The following CDC42SE2 variants were observed in gnomAD, a reference collection of about 807,000 sequenced individuals.
CDC42SE2 encodes the protein CDC42 small effector protein 2.
In CDC42SE2, 3 loss-of-function variants were observed where a neutral mutation model predicts 11.5. That is an observed-to-expected ratio of 0.26 (90% CI 0.12 to 0.67). The LOEUF (loss-of-function observed/expected upper bound fraction) is 0.67. CDC42SE2 is among the 30% of genes least tolerant of loss of function. CDC42SE2 has a pLI of 0.80. For missense variants in CDC42SE2, 82 were observed against 106.8 expected, an observed-to-expected ratio of 0.77 and a Z score of 1.02; for synonymous variants, 33 against 34.8, an observed-to-expected ratio of 0.95 and a Z score of 0.18.
upstream of CDC42SE2, among the ~76,000 whole-genome samples, chr5:131,240,828 A>G (rs1480190799): frequency 1.3e-5 from 2 of 152,204 alleles, no homozygotes; most frequent in East Asian, 1.9e-4. Context: ...AATGAAAAAT[A>G]TATGCCATAA....
chr5:131,370,092 T>C (rs1188898545), intron 3 of CDC42SE2, among the ~76,000 whole-genome samples: 2 of 152,214 alleles, frequency 1.3e-5, no homozygotes, highest in African/African-American at 4.8e-5. Context: ...AGTATTTTCC[T>C]CCCACATTCC....
the CDC42SE2 span, among the ~76,000 whole-genome samples, chr5:131,237,059 T>C: frequency 1.3e-5 from 2 of 152,342 alleles, no homozygotes; most frequent in East Asian, 3.9e-4. Flanking sequence ...AAAAATAAAA[T>C]TGTTTGTGGG....
chr5:131,215,976 T>C, the CDC42SE2 span, among the ~76,000 whole-genome samples: 1 of 152,212 alleles, frequency 6.6e-6, no homozygotes, highest in Non-Finnish European at 1.5e-5. Context: ...TAGAAAACTC[T>C]CAGCAAAATT....
chr5:131,360,577 T>C (rs1383293610), intron 3 of CDC42SE2, among the ~76,000 whole-genome samples: 19 of 152,260 alleles, frequency 1.2e-4, no homozygotes, highest in Admixed American at 1.2e-3. Context: ...ATAACTATTC[T>C]ACAGTCTCTC....
In CDC42SE2 at chr5:131,391,322, G is replaced by C; in HGVS notation, c.*231G>C. The C allele has an allele frequency of 5.4e-6, 1 of 185,284 alleles. No homozygotes were observed. The highest frequency in any genetic ancestry group is 1.1e-5 in the Non-Finnish European group (1 of 91,468). 11.5% of individuals were successfully genotyped at this position (185,284 alleles called of 1,614,324 possible). A position where few individuals can be genotyped will look rare whatever the true frequency, so the allele number is the denominator to read the frequency against. Reference sequence around the variant, plus strand: ...TACTTTAAAACATCTGGTTGGGGAGGATTCTGATGACAAGATGCTTCTTAT... The same window carrying C: ...TACTTTAAAACATCTGGTTGGGGAGCATTCTGATGACAAGATGCTTCTTAT... On this transcript the variant is annotated 3_prime_UTR_variant, in exon 5 of 5. Coordinates refer to ENST00000505065, the MANE Select transcript of CDC42SE2 (RefSeq NM_001375635.1).
At chr5:131,284,506 C>T (rs1022339771) in intron 1 of CDC42SE2, among the ~76,000 whole-genome samples, 25 of 152,158 alleles carry the variant, frequency 1.6e-4, no homozygotes, top group African/African-American at 5.8e-4. Flanking sequence ...TTAGTCTCCT[C>T]TGTTGCCCAG....
At chr5:131,370,762 G>T (rs30734) in intron 3 of CDC42SE2, among the ~76,000 whole-genome samples, 151,842 of 152,346 alleles carry the variant, frequency 1, 75,669 homozygotes, top group Middle Eastern at 1. Context: ...GGTGGCTAAT[G>T]ATTAAAATGG....
chr5:131,335,951 G>T (rs1195201509), intron 2 of CDC42SE2, among the ~76,000 whole-genome samples: 1 of 152,148 alleles, frequency 6.6e-6, no homozygotes, highest in East Asian at 1.9e-4. Context: ...TTTAATTGGA[G>T]CATTTAGCCC....
At chr5:131,382,710 A>G (rs981046054) in intron 3 of CDC42SE2, among the ~76,000 whole-genome samples, 2 of 152,174 alleles carry the variant, frequency 1.3e-5, no homozygotes, top group Non-Finnish European at 2.9e-5. Context: ...GGTGTCCTGC[A>G]GATGCCACTG....
chr5:131,341,010 T>C (rs1481216035), intron 2 of CDC42SE2, among the ~76,000 whole-genome samples: 1 of 152,120 alleles, frequency 6.6e-6, no homozygotes, highest in African/African-American at 2.4e-5. Flanking sequence ...GAAGTTGAAC[T>C]TCAAAGGAAG....
At chr5:131,372,348 G>A (rs1750033236) in intron 3 of CDC42SE2, among the ~76,000 whole-genome samples, 1 of 152,084 alleles carries the variant, frequency 6.6e-6, no homozygotes, top group African/African-American at 2.4e-5. Flanking sequence ...ATATTTTTAA[G>A]AACTCCAAGG....
chr5:131,323,836 T>C (rs1758245209), intron 2 of CDC42SE2, among the ~76,000 whole-genome samples: 1 of 152,194 alleles, frequency 6.6e-6, no homozygotes, highest in African/African-American at 2.4e-5. Flanking sequence ...CAGTTGTGTG[T>C]TAACTTTTCT....
At chr5:131,260,038 T>G (rs1316104114), upstream of CDC42SE2, among the ~76,000 whole-genome samples, 2 of 152,278 alleles carry the variant, frequency 1.3e-5, no homozygotes, top group African/African-American at 2.4e-5. Flanking sequence ...AATTATATGC[T>G]TGTGTAATGA....
intron 1 of CDC42SE2, among the ~76,000 whole-genome samples, chr5:131,309,386 A>G (rs1757850044): frequency 6.6e-6 from 1 of 152,092 alleles, no homozygotes; most frequent in South Asian, 2.1e-4. Flanking sequence ...ATATTCATCA[A>G]GGATATTGGT....
intron 2 of CDC42SE2, among the ~76,000 whole-genome samples, chr5:131,355,867 T>G (rs1310592678): frequency 1.3e-5 from 2 of 152,158 alleles, no homozygotes; most frequent in Admixed American, 1.3e-4. Flanking sequence ...TTCATGCAGG[T>G]AGGAGGCTGG....
upstream of CDC42SE2, among the ~76,000 whole-genome samples, chr5:131,260,655 C>T (rs1310301057): frequency 1.4e-5 from 2 of 147,640 alleles, no homozygotes; most frequent in Admixed American, 1.4e-4. Flanking sequence ...ATTAATAGGC[C>T]GAGTGCAGTG....
upstream of CDC42SE2, among the ~76,000 whole-genome samples, chr5:131,244,929 A>G (rs1756568521): frequency 1.3e-5 from 2 of 152,190 alleles, no homozygotes; most frequent in Non-Finnish European, 2.9e-5. Flanking sequence ...GGGGGGAATC[A>G]TGATAAGGGA....
chr5:131,302,047 C>G (rs1293498040), intron 1 of CDC42SE2, among the ~76,000 whole-genome samples: 1 of 152,068 alleles, frequency 6.6e-6, no homozygotes, highest in African/African-American at 2.4e-5. Context: ...TACTCTCTTG[C>G]CCAGACTGCA....
At chr5:131,276,101 AT>A (rs903852701) in intron 1 of CDC42SE2, among the ~76,000 whole-genome samples, 243 of 143,456 alleles carry the variant, frequency 1.7e-3, no homozygotes, top group Middle Eastern at 3.6e-3. Context: ...TCAAGACAAG[AT>A]TTTTTTTTTT....
Sources: allele counts gnomAD v4.1 joint callset (sites outside exome capture counted in the v4.1 genomes callset), GRCh38; gene constraint gnomAD v4.1.1; transcripts MANE v1.5; gene names NCBI Gene and HGNC (gene_info 2026-07-23, HGNC 2026-07-21).